Variants in PCDHA4 observed in about 807,000 individuals in gnomAD.
PCDHA4 encodes protocadherin alpha-4.
In PCDHA4, 49 loss-of-function variants were observed where a neutral mutation model predicts 61.4. The ratio of observed to expected loss-of-function variants is 0.80; its 90% CI spans 0.63 to 1.01. PCDHA4 has a LOEUF of 1.01. Ranked by LOEUF, PCDHA4 falls within the 50% of genes least tolerant of loss-of-function variation. PCDHA4 has a pLI of 0.00. For missense variants in PCDHA4, 1,254 were observed against 1,235.8 expected (o/e 1.01, Z -0.22); for synonymous variants, 590 against 550.3 (o/e 1.07, Z -1.01).
At position 140,972,838 on chromosome 5, in the gene PCDHA4, A is replaced by G. The variant is rs181315236; in HGVS notation, c.2386-6111A>G. Among the ~76,000 whole-genome samples the G allele has an allele frequency of 2.0e-4, 30 of 151,814 alleles. No individual in the cohort carries two copies. In the East Asian group the frequency reaches 5.8e-3, roughly 30 times the overall value. The stretch of plus-strand genomic sequence containing the variant: ...GCCACCACGCCTGGCTAATTTTTGT[A>G]TTTTTAGTAGAGATGGGGTTTCATC... On this transcript the variant is annotated intron_variant, in intron 1 of 3. Transcript: ENST00000530339.
At chr5:140,835,480 G>A (rs1343566248) in intron 1 of PCDHA4, 1 of 1,613,772 alleles carries the variant, frequency 6.2e-7, no homozygotes, top group Non-Finnish European at 8.5e-7. Flanking sequence ...GCCCAACCAG[G>A]TACCGTCATC....
intron 3 of PCDHA4, among the ~76,000 whole-genome samples, chr5:140,985,312 G>C (rs961087434): frequency 2.0e-5 from 3 of 152,102 alleles, no homozygotes; most frequent in Non-Finnish European, 2.9e-5. Flanking sequence ...TAGCCTGGTG[G>C]CCAGAATTCA....
Position 140,823,949 on chromosome 5 carries a change from A to C in PCDHA4, c.2385+14377A>C, listed in dbSNP as rs2150130667. On this transcript the variant is annotated intron_variant, in intron 1 of 3. Transcript: ENST00000530339. ...TACACCGCGCTGCGGTGCTCGGCGC[A>C]GCCCACCGAGGCCGTGTGCACACGG... is the stretch of plus-strand genomic sequence containing the variant. 3 of 1,613,920 alleles carry C rather than the reference A, an allele frequency of 1.9e-6. No individual in the cohort carries two copies. The Admixed American group carries it at 5.0e-5, about 27-fold the overall frequency.
rs1764140605 is a variant in PCDHA4, at chr5:140,808,297, C to T, written c.1110C>T (p.Ala370=). 1.2e-6 allele frequency: 2 copies of T among 1,614,254 alleles called. No homozygotes were observed. The highest frequency in any genetic ancestry group is 8.5e-7 in the Non-Finnish European group (1 of 1,180,056). The part of the protein sequence containing the change: ...REDAPLGTVI[A]LISVSDKDMG... The stretch of plus-strand genomic sequence containing the variant: ...ACGCTCCACTGGGTACAGTCATCGC[C>T]CTGATCAGCGTGTCCGACAAAGACA... The change falls in exon 1 of 4, where the codon GCC becomes GCT. Residue 370 remains alanine (A), a synonymous_variant. Coordinates refer to ENST00000530339, the MANE Select transcript of PCDHA4 (RefSeq NM_018907.4).
chr5:140,808,695 C>G lies in PCDHA4; in HGVS notation c.1508C>G (p.Ala503Gly). Residue 503 changes from alanine to glycine, a missense_variant, in exon 1 of 4, where the codon GCG (alanine) becomes GGG (glycine). Ala to Gly is a moderately conservative substitution (Grantham distance 60). Transcript: ENST00000530339. The part of the protein sequence containing the change: ...SLVERRVGER[A>G]LSSYVSVHAE... ...GTAGAGCGGCGGGTAGGGGAGCGCG[C>G]GCTGTCGAGCTACGTTTCGGTGCAT... 6.2e-7 allele frequency: 1 copy of G among 1,612,160 alleles called. No homozygotes were observed. Among genetic ancestry groups the G allele is most frequent in the Non-Finnish European group, 8.5e-7 (1 of 1,179,802 alleles).
At chr5:140,810,968 ATTG>A (rs1373114679) in intron 1 of PCDHA4, 1 of 151,940 alleles carries the variant, frequency 6.6e-6, no homozygotes, top group Non-Finnish European at 1.5e-5. Context: ...TATTTTTATC[ATTG>A]TTGTGAGGTA....
chr5:140,914,052 G>T (rs1485469381), intron 1 of PCDHA4, among the ~76,000 whole-genome samples: 1 of 152,172 alleles, frequency 6.6e-6, no homozygotes, highest in East Asian at 1.9e-4. Flanking sequence ...TTCTGCAGCT[G>T]TTGGATGAAA....
At chr5:140,871,596 C>G in intron 1 of PCDHA4, 2 of 1,453,962 alleles carry the variant, frequency 1.4e-6, no homozygotes, top group South Asian at 2.9e-5. Flanking sequence ...TATGAATAAC[C>G]AGTGTTTTGA....
intron 1 of PCDHA4, chr5:140,927,406 G>A (rs782729912): frequency 1.2e-6 from 2 of 1,614,210 alleles, no homozygotes; most frequent in Admixed American, 1.7e-5. Flanking sequence ...CTTTCGCCTG[G>A]ACATGGGATC....
At chr5:140,872,270 T>G (rs1246364406) in intron 1 of PCDHA4, among the ~76,000 whole-genome samples, 1 of 152,172 alleles carries the variant, frequency 6.6e-6, no homozygotes, top group African/African-American at 2.4e-5. Context: ...TCATATTGTT[T>G]GAAGAAAAAA....
intron 1 of PCDHA4, chr5:140,836,001 G>C (rs2150250076): frequency 6.2e-7 from 1 of 1,613,350 alleles, no homozygotes; most frequent in Admixed American, 1.7e-5. Context: ...CGCGCGCGAT[G>C]CGGGCGTGCC....
chr5:140,836,281 C>G (rs2150256657), intron 1 of PCDHA4: 6 of 1,613,614 alleles, frequency 3.7e-6, no homozygotes, highest in Non-Finnish European at 4.2e-6. Flanking sequence ...GAGATCAGCA[C>G]GACACGAGCC....
intron 1 of PCDHA4, among the ~76,000 whole-genome samples, chr5:140,896,874 A>G (rs1009285499): frequency 1.3e-5 from 2 of 152,102 alleles, no homozygotes; most frequent in Non-Finnish European, 2.9e-5. Flanking sequence ...GTACATATTT[A>G]TGGGGTATAT....
rs17844294 is a variant in PCDHA4 at position 140,823,179 on chromosome 5, G to A, written c.2385+13607G>A. On this transcript the variant is annotated intron_variant, in intron 1 of 3. Transcript: ENST00000530339. ...CCGTGTTCGTGAAGGAGAACAACCC[G>A]CCAGGCTGCCACATCTTCACGGTGT... 12 of 1,613,914 alleles carry A rather than the reference G, an allele frequency of 7.4e-6. No individual in the cohort carries two copies. The East Asian group carries it at 1.6e-4, about 21-fold the overall frequency.
intron 1 of PCDHA4, among the ~76,000 whole-genome samples, chr5:140,915,919 AC>A (rs1449299766): frequency 6.6e-6 from 1 of 152,102 alleles, no homozygotes; most frequent in Non-Finnish European, 1.5e-5. Flanking sequence ...CAGAGATGCT[AC>A]TTGGGAGTCA....
At position 140,877,134 on chromosome 5, in the gene PCDHA4, C is replaced by A. The variant is rs1339173132; in HGVS notation, c.2385+67562C>A. 17 of 1,613,712 alleles carry A rather than the reference C, an allele frequency of 1.1e-5. No homozygotes were observed. Among genetic ancestry groups the A allele is most frequent in the Admixed American group, 6.7e-5 (4 of 60,000 alleles). ...GCAGCAACGTGACGCTGCAGGTGTTCGTGCTGGACGAGAACGACAACGCGC... is the reference window on the plus strand; with the variant it reads ...GCAGCAACGTGACGCTGCAGGTGTTAGTGCTGGACGAGAACGACAACGCGC... On this transcript the variant is annotated intron_variant, in intron 1 of 3. Transcript: ENST00000530339.
chr5:140,809,553 C>G lies in PCDHA4; in HGVS notation c.2366C>G (p.Thr789Ser). The change falls in exon 1 of 4, where the codon ACT becomes AGT. Residue 789 changes from threonine to serine, a missense_variant. Thr to Ser is a moderately conservative substitution (Grantham distance 58, BLOSUM62 1). Coordinates refer to ENST00000530339, the MANE Select transcript of PCDHA4 (RefSeq NM_018907.4). ...SRDREDQLQT[T>S]EESFAKPRQP... The stretch of plus-strand genomic sequence containing the variant: ...GACAGAGAAGATCAGCTGCAGACAA[C>G]TGAGGAATCCTTTGCAAAGGTTAGT... The G allele has an allele frequency of 6.2e-7, 1 of 1,610,762 alleles. No individual in the cohort carries two copies. Among genetic ancestry groups the G allele is most frequent in the Non-Finnish European group, 8.5e-7 (1 of 1,178,322 alleles).
rs57893927 is a variant in PCDHA4 at position 140,946,631 on chromosome 5, T to TATATATATATATACACAC, written c.2386-32317_2386-32316insTATATATATATACACACA. ...TGTGAAATATATATATATATATATA[T>TATATATATATATACACAC]ACAATGGAATACTCATCAGCCATTA... On this transcript the variant is annotated intron_variant, in intron 1 of 3. Transcript: ENST00000530339. Among the ~76,000 whole-genome samples the TATATATATATATACACAC allele has an allele frequency of 9.9e-5, 13 of 131,856 alleles. 1 individual carries two copies. The East Asian group carries it at 2.7e-3, about 27-fold the overall frequency. 86.5% of individuals were successfully genotyped at this position (131,856 alleles called of 152,430 possible). A position where few individuals can be genotyped will look rare whatever the true frequency, so the allele number is the denominator to read the frequency against.
In PCDHA4 at chr5:140,829,586, G is replaced by T. The variant is rs2150170634; in HGVS notation, c.2385+20014G>T. 6.2e-7 allele frequency: 1 copy of T among 1,612,232 alleles called. No individual in the cohort carries two copies. The highest frequency in any genetic ancestry group is 8.5e-7 in the Non-Finnish European group (1 of 1,179,786). On this transcript the variant is annotated intron_variant, in intron 1 of 3. Coordinates refer to ENST00000530339, the MANE Select transcript of PCDHA4 (RefSeq NM_018907.4). ...GTCCTACTCGCTGGTGGAGCGGCGG[G>T]TGGGCGAGCGCGCGTTGTCGAGCTA... is the stretch of plus-strand genomic sequence containing the variant.
Sources: allele counts gnomAD v4.1 joint callset (sites outside exome capture counted in the v4.1 genomes callset), GRCh38; gene constraint gnomAD v4.1.1; transcripts MANE v1.5; gene names NCBI Gene and HGNC (gene_info 2026-07-23, HGNC 2026-07-21).